Variants in MSRA observed in about 807,000 individuals in gnomAD.
MSRA encodes the protein mitochondrial peptide methionine sulfoxide reductase.
Under a neutral mutation model 31.3 loss-of-function variants are expected in MSRA, and 54 were observed. That is an observed-to-expected ratio of 1.73 (90% CI 1.39 to 2.17). The LOEUF is 2.17. Among genes scored for constraint, MSRA ranks in the 30% most tolerant of loss-of-function variants. The pLI, the probability that MSRA is intolerant of heterozygous loss-of-function variation, is 0.00. For synonymous variants in MSRA, 169 were observed against 116.5 expected, an observed-to-expected ratio of 1.45 and a Z score of -2.90; for missense variants, 507 against 300.9, an observed-to-expected ratio of 1.69 and a Z score of -5.07.
At chr8:10,059,954 C>G (rs10101206) in intron 1 of MSRA, among the ~76,000 whole-genome samples, 9,792 of 152,248 alleles carry the variant, frequency 0.064, 527 homozygotes, top group African/African-American at 0.14. Flanking sequence ...AGAACTTTGA[C>G]GATACACTGT....
chr8:10,080,377 A>G (rs747235619), intron 1 of MSRA, among the ~76,000 whole-genome samples: 2 of 147,698 alleles, frequency 1.4e-5, no homozygotes, highest in Non-Finnish European at 3.0e-5. Context: ...CTATCTGAAT[A>G]TTTGAAAGTA....
intron 1 of MSRA, among the ~76,000 whole-genome samples, chr8:10,122,705 G>T (rs539778829): frequency 1.3e-5 from 2 of 152,078 alleles, no homozygotes; most frequent in African/African-American, 4.8e-5. Flanking sequence ...CACTCAAGGA[G>T]GCCCCAGTGT....
chr8:10,154,288 G>T (rs1803961260), intron 1 of MSRA, among the ~76,000 whole-genome samples: 1 of 122,338 alleles, frequency 8.2e-6, no homozygotes. Flanking sequence ...CAGGGCAGGG[G>T]TGCTACCCAA....
intron 1 of MSRA, among the ~76,000 whole-genome samples, chr8:10,183,810 G>A (rs1159285111): frequency 7.0e-6 from 1 of 142,936 alleles, no homozygotes; most frequent in African/African-American, 2.7e-5. Flanking sequence ...TGGTGGTGGT[G>A]CTGCTGCTGC....
At chr8:10,221,999 C>T (rs932594728) in intron 2 of MSRA, among the ~76,000 whole-genome samples, 2 of 145,112 alleles carry the variant, frequency 1.4e-5, no homozygotes, top group East Asian at 1.9e-4. Flanking sequence ...ACAGGTAATT[C>T]GTGGGTAATT....
chr8:10,180,321 G>C (rs1191758257), intron 1 of MSRA, among the ~76,000 whole-genome samples: 1 of 152,242 alleles, frequency 6.6e-6, no homozygotes, highest in Non-Finnish European at 1.5e-5. Flanking sequence ...TGTGGAAGGG[G>C]TGCAGAGCTT....
chr8:10,305,409 CT>C (rs549346544), intron 4 of MSRA, among the ~76,000 whole-genome samples: 1,958 of 122,848 alleles, frequency 0.016, 24 homozygotes, highest in Middle Eastern at 0.022. Flanking sequence ...TGTTTTCTTC[CT>C]TTTTTTTTTT....
chr8:10,246,944 C>A (rs536326401), intron 3 of MSRA, among the ~76,000 whole-genome samples: 4 of 152,186 alleles, frequency 2.6e-5, no homozygotes, highest in East Asian at 3.9e-4. Context: ...TGAGTAGATT[C>A]CTTCCTGTAA....
At chr8:10,059,521 C>G (rs1191946865) in intron 1 of MSRA, among the ~76,000 whole-genome samples, 1 of 152,140 alleles carries the variant, frequency 6.6e-6, no homozygotes, top group East Asian at 1.9e-4. Flanking sequence ...AAAAATGAAA[C>G]AGTATGAGAA....
intron 5 of MSRA, among the ~76,000 whole-genome samples, chr8:10,321,851 G>C (rs1159637723): frequency 1.3e-5 from 2 of 152,160 alleles, no homozygotes; most frequent in Non-Finnish European, 2.9e-5. Context: ...CTGCCTGACA[G>C]TTTGATTACA....
intron 1 of MSRA, among the ~76,000 whole-genome samples, chr8:10,117,711 T>C (rs540105407): frequency 2.8e-4 from 43 of 152,340 alleles, no homozygotes; most frequent in East Asian, 7.7e-4. Context: ...CAGGGTCTTT[T>C]TGATAGCTGT....
Position 10,074,474 on chromosome 8 carries a change from G to A in MSRA, c.142+19816G>A, listed in dbSNP as rs565338077. On this transcript the variant is annotated intron_variant, in intron 1 of 5. Coordinates refer to ENST00000317173, the MANE Select transcript of MSRA (RefSeq NM_012331.5). ...AAGTATGACCTGAGTCTCTAAGTTA[G>A]GAAATAAGTGAATAAGTTTTTTTGA... Among the ~76,000 whole-genome samples, 7 of 152,200 alleles carry A rather than the reference G, an allele frequency of 4.6e-5. No homozygotes were observed. The South Asian group carries it at 1.5e-3, about 32-fold the overall frequency.
At chr8:10,326,985 A>G (rs937443962) in intron 5 of MSRA, among the ~76,000 whole-genome samples, 1 of 152,124 alleles carries the variant, frequency 6.6e-6, no homozygotes, top group Non-Finnish European at 1.5e-5. Flanking sequence ...AAAGACAGCA[A>G]ATCTAAAGAG....
intron 2 of MSRA, among the ~76,000 whole-genome samples, chr8:10,210,891 G>C (rs936380580): frequency 6.6e-6 from 1 of 151,346 alleles, no homozygotes; most frequent in Admixed American, 6.6e-5. Context: ...GCATCACCAC[G>C]CTCACCTTTT....
At chr8:10,307,379 C>G (rs1393519331) in intron 4 of MSRA, among the ~76,000 whole-genome samples, 1 of 152,048 alleles carries the variant, frequency 6.6e-6, no homozygotes, top group African/African-American at 2.4e-5. Context: ...GTTGCTCAGG[C>G]TGGTCTGGAA....
rs138180307 is a variant in MSRA, at chr8:10,225,165, A to G, written c.211+17264A>G. Among the ~76,000 whole-genome samples, 11 of 152,236 alleles carry G rather than the reference A, an allele frequency of 7.2e-5. No individual in the cohort carries two copies. In the East Asian group the frequency reaches 2.1e-3, roughly 30 times the overall value. The stretch of plus-strand genomic sequence containing the variant: ...AATAAATAAATAAATACATGCATAC[A>G]ACTTCTCACCCAACCTGTGTTGAGG... On this transcript the variant is annotated intron_variant, in intron 2 of 5. Transcript: ENST00000317173.
intron 5 of MSRA, among the ~76,000 whole-genome samples, chr8:10,348,843 G>A (rs570860684): frequency 7.9e-5 from 12 of 152,304 alleles, no homozygotes; most frequent in African/African-American, 2.6e-4. Flanking sequence ...AAGGCTTGGG[G>A]GGGACAAGGC....
At chr8:10,142,094 G>A (rs975498000) in intron 1 of MSRA, among the ~76,000 whole-genome samples, 2 of 152,204 alleles carry the variant, frequency 1.3e-5, no homozygotes, top group African/African-American at 4.8e-5. Flanking sequence ...GAGTAGCTGG[G>A]ATTACAGGCC....
chr8:10,163,421 C>T (rs1024507152), intron 1 of MSRA, among the ~76,000 whole-genome samples: 18 of 152,194 alleles, frequency 1.2e-4, no homozygotes, highest in Middle Eastern at 3.2e-3. Flanking sequence ...TGTGGACTGG[C>T]GCACCCACTG....
Sources: gnomAD v4.1 joint callset for allele counts (sites outside exome capture counted in the v4.1 genomes callset) on GRCh38, gnomAD v4.1.1 for gene constraint, MANE v1.5 for transcripts, NCBI Gene and HGNC (gene_info 2026-07-23, HGNC 2026-07-21) for gene names.